The following NCAM2 variants were observed in gnomAD, a reference collection of about 807,000 sequenced individuals.
NCAM2 encodes N-CAM-2.
Under a neutral mutation model 98.1 loss-of-function variants are expected in NCAM2, and 30 were observed. That is an observed-to-expected ratio of 0.31 (90% CI 0.23 to 0.41). The LOEUF (loss-of-function observed/expected upper bound fraction) is 0.41, where lower values mean the gene tolerates loss of function less well. Among genes scored for constraint, NCAM2 ranks in the 10% least tolerant of loss-of-function variants. The pLI is 1.00. For missense variants in NCAM2, 867 were observed against 1,005.8 expected, an observed-to-expected ratio of 0.86 and a Z score of 1.87; for synonymous variants, 368 against 342.4, an observed-to-expected ratio of 1.07 and a Z score of -0.83.
chr21:21,284,129 A>G, intron 2 of NCAM2, 65 bp from the exon 3 acceptor site: 2 of 1,244,182 alleles, frequency 1.6e-6, no homozygotes, highest in Non-Finnish European at 2.3e-6. Flanking sequence ...ATAATAGTAA[A>G]TGCCAATGTT....
At chr21:21,345,852 CAGGCATTTAATACCTCA>C (rs2075172900) in intron 8 of NCAM2, among the ~76,000 whole-genome samples, 1 of 151,978 alleles carries the variant, frequency 6.6e-6, no homozygotes, top group African/African-American at 2.4e-5. Flanking sequence ...AATAATAGCA[CAGGCATTTAATACCTCA>C]AGGCATTTAA....
chr21:21,316,833 C>T (rs1158026272), intron 5 of NCAM2, among the ~76,000 whole-genome samples: 1 of 152,024 alleles, frequency 6.6e-6, no homozygotes, highest in Non-Finnish European at 1.5e-5. Flanking sequence ...CGTTAGCCAC[C>T]GCGCCCGGCC....
At chr21:21,111,204 A>G (rs567728827) in intron 1 of NCAM2, among the ~76,000 whole-genome samples, 54 of 152,352 alleles carry the variant, frequency 3.5e-4, no homozygotes, top group Non-Finnish European at 3.4e-4. Context: ...ATTCAATAAT[A>G]AATCACAGTA....
At chr21:21,495,880 T>A (rs1459930860) in intron 15 of NCAM2, among the ~76,000 whole-genome samples, 2 of 151,856 alleles carry the variant, frequency 1.3e-5, no homozygotes, top group Non-Finnish European at 2.9e-5. Context: ...TCCTATTTGC[T>A]AACCTCACAT....
intron 9 of NCAM2, among the ~76,000 whole-genome samples, chr21:21,383,767 A>G (rs1173386465): frequency 6.6e-6 from 1 of 151,664 alleles, no homozygotes; most frequent in African/African-American, 2.4e-5. Context: ...GGAACCAATA[A>G]CCTACGTGTT....
In NCAM2 at chr21:21,050,799, T is replaced by C. The variant is rs545484391; in HGVS notation, c.55+52181T>C. Among the ~76,000 whole-genome samples, 12 of 152,314 alleles carry C rather than the reference T, an allele frequency of 7.9e-5. No individual in the cohort carries two copies. The South Asian group carries it at 2.1e-3, about 26-fold the overall frequency. On this transcript the variant is annotated intron_variant, in intron 1 of 17. Transcript: ENST00000400546. ...TGATTATAAGATTTAAATGAGTCAG[T>C]ACTTGCCATACGTAGACACTACAAA...
At chr21:21,535,602 GA>G (rs928580194) in intron 17 of NCAM2, among the ~76,000 whole-genome samples, 4 of 151,790 alleles carry the variant, frequency 2.6e-5, no homozygotes, top group Admixed American at 6.6e-5. Context: ...CTACTCTATA[GA>G]AAAAAATTTA....
At chr21:21,208,498 A>G (rs139914678) in intron 1 of NCAM2, among the ~76,000 whole-genome samples, 24 of 152,256 alleles carry the variant, frequency 1.6e-4, no homozygotes, top group Middle Eastern at 6.8e-3. Context: ...CTTGTTTTCA[A>G]TGTTAGGATG....
intron 1 of NCAM2, among the ~76,000 whole-genome samples, chr21:21,165,405 C>T (rs1394644909): frequency 2.6e-5 from 4 of 152,134 alleles, no homozygotes; most frequent in African/African-American, 9.7e-5. Context: ...AACAGATGTT[C>T]ACATTAAATC....
chr21:21,215,764 G>A (rs1232997442), intron 1 of NCAM2, among the ~76,000 whole-genome samples: 1 of 152,040 alleles, frequency 6.6e-6, no homozygotes, highest in Non-Finnish European at 1.5e-5. Context: ...AAACGTGTGT[G>A]TGTGTGTATG....
chr21:21,391,810 G>A (rs1490210672), intron 9 of NCAM2, among the ~76,000 whole-genome samples: 1 of 1,144 alleles, frequency 8.7e-4, no homozygotes, highest in Non-Finnish European at 1.6e-3. Flanking sequence ...TGCTGGTTAG[G>A]TACAAGTTAT....
At chr21:21,382,497 G>T (rs2408078) in intron 9 of NCAM2, among the ~76,000 whole-genome samples, 149,751 of 149,758 alleles carry the variant, frequency 1, 74,872 homozygotes, top group Middle Eastern at 1. Context: ...AATAGTGAAA[G>T]TTTTTGTTTT....
At chr21:21,315,295 C>A (rs1336201753) in intron 5 of NCAM2, among the ~76,000 whole-genome samples, 2 of 152,176 alleles carry the variant, frequency 1.3e-5, no homozygotes, top group African/African-American at 4.8e-5. Context: ...AAGCACAGGT[C>A]AGGACAGAGC....
chr21:21,122,618 T>C (rs1157206158), intron 1 of NCAM2, among the ~76,000 whole-genome samples: 1 of 152,176 alleles, frequency 6.6e-6, no homozygotes, highest in Non-Finnish European at 1.5e-5. Context: ...AGTTAGTTGG[T>C]GGGTTGACTG....
intron 1 of NCAM2, among the ~76,000 whole-genome samples, chr21:21,100,209 G>T (rs567681358): frequency 2.1e-4 from 32 of 152,066 alleles, no homozygotes; most frequent in African/African-American, 7.7e-4. Context: ...TAAAGTTCAT[G>T]CATTTGGTAT....
intron 11 of NCAM2, among the ~76,000 whole-genome samples, chr21:21,424,151 A>G (rs1403360147): frequency 1.3e-5 from 2 of 152,234 alleles, no homozygotes; most frequent in Admixed American, 1.3e-4. Flanking sequence ...TTAAGCAAAC[A>G]GTGATATTCA....
At chr21:21,236,547 A>G (rs1298695411) in intron 1 of NCAM2, among the ~76,000 whole-genome samples, 1 of 152,144 alleles carries the variant, frequency 6.6e-6, no homozygotes, top group East Asian at 1.9e-4. Flanking sequence ...ATAACATAAA[A>G]GAGTAGCTTC....
chr21:21,242,138 C>T (rs1170539448), intron 1 of NCAM2, among the ~76,000 whole-genome samples: 1 of 89,614 alleles, frequency 1.1e-5, no homozygotes, highest in Non-Finnish European at 2.2e-5. Flanking sequence ...CAAATGTTTA[C>T]CAGTTCTTTG....
At chr21:21,055,204 A>G (rs1354645933) in intron 1 of NCAM2, among the ~76,000 whole-genome samples, 1 of 151,786 alleles carries the variant, frequency 6.6e-6, no homozygotes, top group Non-Finnish European at 1.5e-5. Flanking sequence ...TTAAAGTATA[A>G]TAATAATAAT....
Sources: gnomAD v4.1 joint callset for allele counts (sites outside exome capture counted in the v4.1 genomes callset) on GRCh38, gnomAD v4.1.1 for gene constraint, MANE v1.5 for transcripts, NCBI Gene and HGNC (gene_info 2026-07-23, HGNC 2026-07-21) for gene names.